RADX: variants seen among roughly 807,000 people sequenced by gnomAD.
RADX encodes RPA1 related single stranded DNA binding protein, X-linked.
A neutral mutation model predicts 61.6 loss-of-function variants in RADX; 36 were observed. The ratio of observed to expected loss-of-function variants is 0.58; its 90% CI spans 0.45 to 0.77. The LOEUF is 0.77. RADX is among the 30% of genes least tolerant of loss of function. RADX has a pLI of 0.00. For missense variants in RADX, 497 were observed against 651.1 expected (o/e 0.76, Z 2.58); for synonymous variants, 272 against 237.9 (o/e 1.14, Z -1.32).
chrX:106,661,386 G>T (rs767694583), intron 11 of RADX, among the ~76,000 whole-genome samples: 30 of 92,013 alleles, frequency 3.3e-4, no homozygotes, highest in Non-Finnish European at 3.8e-4. Context: ...TTTTTTTTTG[G>T]TTTTTTTGTT....
intron 13 of RADX, among the ~76,000 whole-genome samples, chrX:106,672,935 C>G (rs1222816049): frequency 1.8e-5 from 2 of 111,894 alleles, no homozygotes; most frequent in Non-Finnish European, 3.8e-5. Flanking sequence ...GGGAGCACTG[C>G]CAGACCTCCA....
At chrX:106,654,396 T>G (rs1273475106) in intron 11 of RADX, among the ~76,000 whole-genome samples, 1 of 111,476 alleles carries the variant, frequency 9.0e-6, no homozygotes, top group Admixed American at 9.6e-5. Context: ...ATTTTTTTCT[T>G]GTAAATTTGT....
intron 6 of RADX, among the ~76,000 whole-genome samples, chrX:106,635,776 A>G (rs1355294212): frequency 2.7e-5 from 3 of 112,256 alleles, no homozygotes; most frequent in Non-Finnish European, 5.6e-5. Context: ...GTGTTTTGAC[A>G]TATAATGAGT....
chrX:106,612,751 G>T (rs1166315929), intron 1 of RADX, 28 bp downstream of exon 1: 6 of 1,150,131 alleles, frequency 5.2e-6, no homozygotes, highest in Admixed American at 2.9e-5. Flanking sequence ...ACGGCAGAGG[G>T]TTTTAAAAAA....
In RADX at chrX:106,636,632, G is replaced by A; in HGVS notation, c.1393G>A (p.Gly465Arg). The A allele has an allele frequency of 8.7e-7, 1 of 1,149,250 alleles. No individual in the cohort carries two copies. 94.7% of individuals were successfully genotyped at this position (1,149,250 alleles called of 1,213,427 possible). A position where few individuals can be genotyped will look rare whatever the true frequency, so the allele number is the denominator to read the frequency against. The change falls in exon 7 of 14, where the codon GGA (glycine) becomes AGA (arginine). Residue 465 changes from glycine to arginine, a missense_variant. Gly to Arg is a moderately radical substitution (Grantham distance 125). This residue lies in a region of RADX where 267 missense variants were observed against 306.9 expected (regional missense o/e 0.87). Transcript: ENST00000372548. ...TTACCTCACCACTACAAATGAGAGT[G>A]GAGTGTTTATTACTGGTGAGTAATT... The part of the protein sequence containing the change: ...LLYLTTTNES[G>R]VFITGHRGQP...
intron 6 of RADX, among the ~76,000 whole-genome samples, chrX:106,633,937 G>C (rs1220200487): frequency 9.0e-6 from 1 of 111,637 alleles, no homozygotes; most frequent in Non-Finnish European, 1.9e-5. Context: ...CTTTTCAGCA[G>C]TTTCAATGAA....
At chrX:106,658,375 G>A (rs1732750069) in intron 11 of RADX, among the ~76,000 whole-genome samples, 1 of 111,515 alleles carries the variant, frequency 9.0e-6, no homozygotes, top group African/African-American at 3.3e-5. Context: ...GTATTAGGGA[G>A]AGACTCATGC....
At chrX:106,613,158 G>T (rs1201897492) in intron 1 of RADX, among the ~76,000 whole-genome samples, 2 of 112,098 alleles carry the variant, frequency 1.8e-5, no homozygotes, top group African/African-American at 3.2e-5. Context: ...AAAAATTTGC[G>T]GGTTTGCATG....
At position 106,632,660 on chromosome X, in the gene RADX, A is replaced by G; in HGVS notation, c.1015A>G (p.Ile339Val). 1 of 1,203,358 alleles carries G rather than the reference A, an allele frequency of 8.3e-7. No individual in the cohort carries two copies. The change falls in exon 4 of 14, where the codon ATA (isoleucine) becomes GTA (valine). Residue 339 changes from isoleucine (I) to valine (V), a missense_variant. By Grantham distance (29) the Ile-to-Val change is conservative. Around this residue, in one of 3 missense-constraint regions of RADX, gnomAD observed 196 missense variants for 315.0 expected, o/e 0.62. Transcript: ENST00000372548. Reference protein sequence around the residue: ...CLNLRDPPTNIIIIPEKQVKP... With the variant: ...CLNLRDPPTNVIIIPEKQVKP... ...GAATCTTCGAGATCCCCCAACAAAT[A>G]TAATTATCATTCCAGAAAAGCAGGT...
Position 106,656,648 on chromosome X carries a change from G to A in RADX, c.1979-5367G>A, listed in dbSNP as rs191953976. 7.2e-5 allele frequency among the ~76,000 whole-genome samples: 8 copies of A among 111,785 alleles called. No homozygotes were observed. In the East Asian group the frequency reaches 2.3e-3, roughly 32 times the overall value. On this transcript the variant is annotated intron_variant, in intron 11 of 13. Transcript: ENST00000372548. ...TGTTTGCAGGCACGAAAACAACATT[G>A]AACTCCTTGATGGAACTCCGTCAGA...
intron 12 of RADX, among the ~76,000 whole-genome samples, chrX:106,665,554 G>A (rs752703337): frequency 9.7e-5 from 9 of 93,062 alleles, no homozygotes; most frequent in Non-Finnish European, 1.3e-4. Flanking sequence ...CCAACCCCCC[G>A]GTCATAGTTT....
intron 7 of RADX, among the ~76,000 whole-genome samples, chrX:106,636,880 T>A (rs1337225415): frequency 8.9e-6 from 1 of 111,875 alleles, no homozygotes; most frequent in Non-Finnish European, 1.9e-5. Context: ...ATTGCATTTA[T>A]ATCCTTCAGT....
At chrX:106,621,605 G>T (rs776539641) in intron 1 of RADX, among the ~76,000 whole-genome samples, 18 of 112,012 alleles carry the variant, frequency 1.6e-4, no homozygotes, top group Non-Finnish European at 3.2e-4. Context: ...CAGCAAGCTT[G>T]CAGATAAAAA....
rs370482800 is a variant in RADX, at chrX:106,640,541, A to G, written c.1735-11A>G. 1.9e-5 allele frequency: 21 copies of G among 1,134,383 alleles called. No individual in the cohort carries two copies. In the African/African-American group the frequency reaches 3.7e-4, roughly 20 times the overall value. The allele number at this position is 1,134,383 out of a possible 1,213,427, so 93.5% of individuals were successfully genotyped here. A position where few individuals can be genotyped will look rare whatever the true frequency, so the allele number is the denominator to read the frequency against. On this transcript the variant is annotated splice_polypyrimidine_tract_variant and intron_variant, in intron 9 of 13. Transcript: ENST00000372548. Reference sequence around the variant, plus strand: ...TAGCCTAAAGTGTTTTCTCTAAATTATTGGTTTTAGAATGCTAACAGACCC... The same window carrying G: ...TAGCCTAAAGTGTTTTCTCTAAATTGTTGGTTTTAGAATGCTAACAGACCC...
At chrX:106,631,757 G>A (rs1927228495) in intron 3 of RADX, among the ~76,000 whole-genome samples, 1 of 98,766 alleles carries the variant, frequency 1.0e-5, no homozygotes, top group Non-Finnish European at 2.0e-5. Flanking sequence ...AGGAAGGGAG[G>A]GAGGGAGAGA....
At chrX:106,666,374 G>A (rs760092069) in intron 12 of RADX, among the ~76,000 whole-genome samples, 1 of 112,013 alleles carries the variant, frequency 8.9e-6, no homozygotes, top group Non-Finnish European at 1.9e-5. Context: ...GTCTCTGAAG[G>A]CTGCCTATTT....
intron 2 of RADX, 94 bp downstream of exon 2, chrX:106,622,887 A>T (rs1228780657): frequency 9.1e-6 from 4 of 441,905 alleles, no homozygotes; most frequent in Non-Finnish European, 1.5e-5. Flanking sequence ...TCGTTTAAAT[A>T]ACATTTCATA....
At chrX:106,622,815 A>T in intron 2 of RADX, 22 bp downstream of exon 2, 1 of 1,006,508 alleles carries the variant, frequency 9.9e-7, no homozygotes, top group South Asian at 2.3e-5. Flanking sequence ...AAGATATCAT[A>T]TGTTAATTTA....
At chrX:106,631,706 A>G (rs1409560051) in intron 3 of RADX, among the ~76,000 whole-genome samples, 2 of 107,257 alleles carry the variant, frequency 1.9e-5, no homozygotes, top group East Asian at 5.8e-4. Context: ...CCTGTCAAAA[A>G]AAAAAAAAAA....
Sources: gnomAD v4.1 joint callset for allele counts (sites outside exome capture counted in the v4.1 genomes callset) on GRCh38, gnomAD v4.1.1 for gene constraint, gnomAD v4.1.1 regional missense constraint, MANE v1.5 for transcripts, NCBI Gene and HGNC (gene_info 2026-07-23, HGNC 2026-07-21) for gene names.